RBMS3: variants seen among roughly 807,000 people sequenced by gnomAD.
RBMS3 encodes RNA-binding motif, single-stranded-interacting protein 3.
A neutral mutation model predicts 66.8 loss-of-function variants in RBMS3; 27 were observed. That is an observed-to-expected ratio of 0.40 (90% CI 0.30 to 0.56). RBMS3 has a LOEUF of 0.56. Ranked by LOEUF, RBMS3 falls within the 20% of genes least tolerant of loss-of-function variation. RBMS3 has a pLI of 0.40. For synonymous variants in RBMS3, 188 were observed against 183.0 expected (o/e 1.03, Z -0.22); for missense variants, 513 against 549.5 (o/e 0.93, Z 0.66).
intron 11 of RBMS3, 29 bp downstream of exon 11, chr3:29,936,225 T>A (rs1185937485): frequency 7.0e-6 from 11 of 1,582,344 alleles, no homozygotes; most frequent in Non-Finnish European, 9.5e-6. Flanking sequence ...TTTGTTTCCT[T>A]GAACTTTTTT....
intron 4 of RBMS3, among the ~76,000 whole-genome samples, chr3:29,667,196 A>T (rs1001407242): frequency 6.6e-6 from 1 of 152,232 alleles, no homozygotes; most frequent in Non-Finnish European, 1.5e-5. Context: ...TCTGAATGAG[A>T]TGAAATATGA....
rs117740072 is a variant in RBMS3 at position 29,923,763 on chromosome 3, T to A, written c.940-12323T>A. Among the ~76,000 whole-genome samples the A allele has an allele frequency of 3.5e-3, 535 of 152,132 alleles. 6 individuals carry two copies. The East Asian group carries it at 0.047, about 13-fold the overall frequency. ...ATATTTGCATCCCCATGTTTTTTTT[T>A]ATAGAAGTTTTGTAAGGTAATATAA... is the stretch of plus-strand genomic sequence containing the variant. On this transcript the variant is annotated intron_variant, in intron 10 of 14. Coordinates refer to ENST00000383767, the MANE Select transcript of RBMS3 (RefSeq NM_001003793.3).
At chr3:29,517,736 T>C (rs2044700995) in intron 3 of RBMS3, among the ~76,000 whole-genome samples, 1 of 152,184 alleles carries the variant, frequency 6.6e-6, no homozygotes, top group African/African-American at 2.4e-5. Flanking sequence ...TGTTAGCTGT[T>C]TTATCTTACA....
At chr3:29,779,988 A>C (rs2056571681) in intron 6 of RBMS3, among the ~76,000 whole-genome samples, 1 of 151,712 alleles carries the variant, frequency 6.6e-6, no homozygotes, top group Non-Finnish European at 1.5e-5. Context: ...TGGGGGTAAA[A>C]AGGAGGGATT....
chr3:29,618,701 A>G (rs1393539476), intron 4 of RBMS3, among the ~76,000 whole-genome samples: 1 of 152,118 alleles, frequency 6.6e-6, no homozygotes, highest in Non-Finnish European at 1.5e-5. Context: ...CCATAATATT[A>G]GTAAAAATAC....
chr3:29,822,884 T>A (rs916235445), intron 6 of RBMS3, among the ~76,000 whole-genome samples: 2 of 152,090 alleles, frequency 1.3e-5, no homozygotes, highest in African/African-American at 4.8e-5. Context: ...TATTCTAAAA[T>A]CCTCCAGTGT....
chr3:29,991,055 C>T (rs1173514049), intron 13 of RBMS3, 27 bp from the exon 14 acceptor site: 1 of 1,610,254 alleles, frequency 6.2e-7, no homozygotes, highest in Admixed American at 1.7e-5. Context: ...GCAAGTAAGG[C>T]TTTTATGTTC....
At chr3:29,366,660 C>A (rs1416289598) in intron 1 of RBMS3, among the ~76,000 whole-genome samples, 1 of 152,100 alleles carries the variant, frequency 6.6e-6, no homozygotes, top group Non-Finnish European at 1.5e-5. Context: ...TAGGCATGAG[C>A]CACCACACCT....
intron 3 of RBMS3, among the ~76,000 whole-genome samples, chr3:29,508,274 C>G (rs1355413904): frequency 2.0e-5 from 3 of 152,128 alleles, no homozygotes; most frequent in Admixed American, 2.0e-4. Flanking sequence ...CATAGGTATA[C>G]ATGTGCCATG....
At chr3:29,289,544 G>A (rs1022158645) in intron 1 of RBMS3, among the ~76,000 whole-genome samples, 2 of 151,732 alleles carry the variant, frequency 1.3e-5, no homozygotes, top group Non-Finnish European at 2.9e-5. Context: ...AAAGCATAAA[G>A]AATCCAAATA....
At chr3:29,293,793 G>T (rs1158479365) in intron 1 of RBMS3, among the ~76,000 whole-genome samples, 1 of 150,218 alleles carries the variant, frequency 6.7e-6, no homozygotes, top group African/African-American at 2.4e-5. Context: ...CAAGTTTTCT[G>T]CTATGGATTT....
intron 6 of RBMS3, among the ~76,000 whole-genome samples, chr3:29,795,058 G>A (rs960884461): frequency 7.2e-5 from 11 of 152,144 alleles, no homozygotes; most frequent in East Asian, 3.8e-4. Context: ...TTCCCTAGGC[G>A]TCATGTGTGT....
intron 1 of RBMS3, among the ~76,000 whole-genome samples, chr3:29,337,975 A>G (rs182228981): frequency 1.3e-5 from 2 of 152,180 alleles, no homozygotes; most frequent in African/African-American, 4.8e-5. Context: ...CTAGAATGGT[A>G]TAAATGGAAG....
intron 1 of RBMS3, among the ~76,000 whole-genome samples, chr3:29,421,393 T>G (rs1559347522): frequency 2.0e-5 from 3 of 152,326 alleles, no homozygotes; most frequent in Admixed American, 2.0e-4. Flanking sequence ...CACAAAATGT[T>G]CTTGCAGGGG....
intron 3 of RBMS3, among the ~76,000 whole-genome samples, chr3:29,517,401 C>T (rs1362858662): frequency 6.6e-6 from 1 of 151,188 alleles, no homozygotes; most frequent in East Asian, 2.0e-4. Flanking sequence ...TGGCTCACTG[C>T]AAGCTCCACC....
At chr3:29,326,699 T>C (rs1320118754) in intron 1 of RBMS3, among the ~76,000 whole-genome samples, 1 of 152,008 alleles carries the variant, frequency 6.6e-6, no homozygotes, top group Non-Finnish European at 1.5e-5. Context: ...AATATTGGTT[T>C]ATTGAGTAAT....
chr3:29,866,174 G>T (rs1329836845), intron 6 of RBMS3, among the ~76,000 whole-genome samples: 4 of 151,704 alleles, frequency 2.6e-5, no homozygotes, highest in Admixed American at 1.3e-4. Flanking sequence ...GACTGTTAAG[G>T]GTGATGGATA....
rs974728202 is a variant in RBMS3, at chr3:29,390,991, C to G, written c.76-43752C>G. The G allele has an allele frequency of 4.9e-5, 15 of 308,104 alleles. 1 individual carries two copies. The highest frequency in any genetic ancestry group is 2.7e-4 in the African/African-American group (13 of 47,386). The allele number at this position is 308,104 out of a possible 1,614,324, so 19.1% of individuals were successfully genotyped here. A position where few individuals can be genotyped will look rare whatever the true frequency, so the allele number is the denominator to read the frequency against. On this transcript the variant is annotated intron_variant, in intron 1 of 14. Transcript: ENST00000383767. ...AGTCTTAGACAAAAGCCACGCCCAT[C>G]TCTGTGTTTACATTCAACTGTAATG...
At chr3:29,925,933 A>C (rs1396932163) in intron 10 of RBMS3, among the ~76,000 whole-genome samples, 1 of 152,250 alleles carries the variant, frequency 6.6e-6, no homozygotes, top group Non-Finnish European at 1.5e-5. Flanking sequence ...AAGCGGAATA[A>C]AACATGTAAC....
Sources: allele counts gnomAD v4.1 joint callset (sites outside exome capture counted in the v4.1 genomes callset), GRCh38; gene constraint gnomAD v4.1.1; transcripts MANE v1.5; gene names NCBI Gene and HGNC (gene_info 2026-07-23, HGNC 2026-07-21).